Variants in ATM observed in about 807,000 individuals in gnomAD.
ATM encodes serine-protein kinase ATM.
ATM carries 308 observed loss-of-function variants against 387.0 expected under a neutral mutation model. That is an observed-to-expected ratio of 0.80 (90% confidence interval 0.73 to 0.87). ATM has a LOEUF of 0.87. ATM is among the 40% of genes least tolerant of loss of function. The pLI is 0.00. For synonymous variants in ATM, 1,156 were observed against 1,187.3 expected (o/e 0.97, Z 0.54); for missense variants, 3,312 against 3,560.9 (o/e 0.93, Z 1.78).
At chr11:108,223,656 A>G (rs1320902197) in intron 1 of ATM, 2 of 152,178 alleles carry the variant, frequency 1.3e-5, no homozygotes, top group Non-Finnish European at 2.9e-5. Context: ...TGTGGTGAGC[A>G]CTCGTGAGCG....
chr11:108,310,292 A>G lies in ATM; in HGVS notation c.5895A>G (p.Lys1965=), dbSNP rs1565490147. 1.9e-6 allele frequency: 3 copies of G among 1,613,508 alleles called. No homozygotes were observed. In the South Asian group the frequency reaches 3.3e-5, roughly 18 times the overall value. The part of the protein sequence containing the change: ...LLYAEIYADK[K]SMDDQEKRSL... Reference sequence around the variant, plus strand: ...ATGCAGAAATCTATGCAGATAAGAAAAGTATGGATGATCAAGAGAAAAGGT... The same window carrying G: ...ATGCAGAAATCTATGCAGATAAGAAGAGTATGGATGATCAAGAGAAAAGGT... Residue 1965 remains lysine (K), a synonymous_variant, in exon 39 of 63, where the codon AAA becomes AAG. Coordinates refer to ENST00000675843, the MANE Select transcript of ATM (RefSeq NM_000051.4).
intron 61 of ATM, among the ~76,000 whole-genome samples, chr11:108,357,561 G>A (rs916059381): frequency 1.6e-4 from 24 of 152,214 alleles, no homozygotes; most frequent in Middle Eastern, 6.3e-3. Context: ...CAGCTTTGAA[G>A]AGAGTAGTGG....
intron 21 of ATM, 32 bp from the exon 22 acceptor site, chr11:108,272,689 AT>A (rs1405137271): frequency 6.2e-7 from 1 of 1,613,516 alleles, no homozygotes; most frequent in East Asian, 2.2e-5. Flanking sequence ...ATTTTTCTCT[AT>A]TTCATATTTA....
At chr11:108,229,574 C>T (rs371792051) in intron 4 of ATM, 48 of 401,950 alleles carry the variant, frequency 1.2e-4, no homozygotes, top group East Asian at 5.5e-4. Flanking sequence ...GTGATCAATT[C>T]GTTGTAAACA....
rs1591527438 is a variant in ATM at position 108,251,886 on chromosome 11, G to A, written c.1657G>A (p.Gly553Arg). The change falls in exon 11 of 63, where the codon GGA becomes AGA. Residue 553 changes from glycine (G) to arginine (R), a missense_variant. Physicochemically the swap from Gly to Arg is moderately radical, Grantham distance 125 (BLOSUM62 -2). This residue lies in a region of ATM where 1,791 missense variants were observed against 1,804.5 expected (regional missense o/e 0.99). Transcript: ENST00000675843. ...TLALTTSIVP[G>R]TVKMGIEQNM... ...GGCACTGACCACCAGTATAGTTCCA[G>A]GAACGGTAAAAATGGGAATAGAGCA... The A allele has an allele frequency of 1.2e-6, 2 of 1,613,868 alleles. No homozygotes were observed. Among genetic ancestry groups the A allele is most frequent in the Non-Finnish European group, 1.7e-6 (2 of 1,179,850 alleles).
chr11:108,339,594 A>G (rs1374977627), intron 56 of ATM, among the ~76,000 whole-genome samples: 1 of 152,122 alleles, frequency 6.6e-6, no homozygotes, highest in Non-Finnish European at 1.5e-5. Flanking sequence ...TACCAGAGAA[A>G]ACACTGTCAT....
intron 39 of ATM, among the ~76,000 whole-genome samples, chr11:108,310,783 AATT>A (rs2084089000): frequency 6.6e-6 from 1 of 152,104 alleles, no homozygotes. Flanking sequence ...TTCTGTGACT[AATT>A]AAGTTTCATT....
chr11:108,353,705 A>T lies in ATM; in HGVS notation c.8672-61A>T, dbSNP rs1241393755. 15 of 1,342,942 alleles carry T rather than the reference A, an allele frequency of 1.1e-5. No homozygotes were observed. In the South Asian group the frequency reaches 1.8e-4, roughly 16 times the overall value. 83.2% of individuals were successfully genotyped at this position (1,342,942 alleles called of 1,614,324 possible). A position where few individuals can be genotyped will look rare whatever the true frequency, so the allele number is the denominator to read the frequency against. On this transcript the variant is annotated intron_variant, in intron 59 of 62. Coordinates refer to ENST00000675843, the MANE Select transcript of ATM (RefSeq NM_000051.4). ...CTTGCCTTTGTAAAGTTCACATTCT[A>T]ACTGGAAAGAAAGTAAATTAGCTGT...
chr11:108,241,412 A>G lies in ATM; in HGVS notation c.497-2541A>G, dbSNP rs192139530. ...TTATCATTATCAAGGTTTATGTACT[A>G]TACATGATTGTATGTATTATACTTT... is the stretch of plus-strand genomic sequence containing the variant. On this transcript the variant is annotated intron_variant, in intron 5 of 62. Transcript: ENST00000675843. 1.8e-3 allele frequency among the ~76,000 whole-genome samples: 270 copies of G among 152,360 alleles called. 1 individual carries two copies. The highest frequency in any genetic ancestry group is 2.8e-3 in the Non-Finnish European group (189 of 68,030).
chr11:108,364,938 A>G (rs938913192), intron 61 of ATM, 144 bp from the exon 62 acceptor site: 3 of 872,660 alleles, frequency 3.4e-6, no homozygotes, highest in African/African-American at 3.4e-5. Flanking sequence ...TCCTCAAGGA[A>G]ACATGAAGTG....
At chr11:108,226,316 G>C (rs1452244392) in intron 1 of ATM, 2 of 152,082 alleles carry the variant, frequency 1.3e-5, no homozygotes, top group Non-Finnish European at 2.9e-5. Context: ...CCCTCAAACA[G>C]TCCCCAGTCT....
At chr11:108,301,558 T>C (rs889639517) in intron 34 of ATM, 90 bp from the exon 35 acceptor site, 5 of 1,523,448 alleles carry the variant, frequency 3.3e-6, no homozygotes, top group Non-Finnish European at 3.6e-6. Flanking sequence ...AAATTTTAAA[T>C]TTTAGTTTTG....
chr11:108,356,155 T>A (rs1361702690), intron 61 of ATM: 1 of 152,226 alleles, frequency 6.6e-6, no homozygotes, highest in Non-Finnish European at 1.5e-5. Flanking sequence ...ATGTGTAACA[T>A]TTTAAAAAAA....
Position 108,365,456 on chromosome 11 carries a change from T to C in ATM, c.9119T>C (p.Ile3040Thr), listed in dbSNP as rs369870357. 9.3e-6 allele frequency: 15 copies of C among 1,614,060 alleles called. No individual in the cohort carries two copies. The highest frequency in any genetic ancestry group is 2.7e-5 in the African/African-American group (2 of 74,918). ...GQVNLLIQQA[I>T]DPKNLSRLFP... ...GTGAATTTGCTCATACAGCAGGCCA[T>C]AGACCCCAAAAATCTCAGCCGACTT... is the stretch of plus-strand genomic sequence containing the variant. Residue 3040 changes from isoleucine (I) to threonine (T), a missense_variant, in exon 63 of 63, where the codon ATA (isoleucine) becomes ACA (threonine). Transcript: ENST00000675843.
chr11:108,279,505 C>T lies in ATM; in HGVS notation c.3299C>T (p.Thr1100Met), dbSNP rs189445371. 17 of 1,610,314 alleles carry T rather than the reference C, an allele frequency of 1.1e-5. No homozygotes were observed. The highest frequency in any genetic ancestry group is 4.5e-5 in the East Asian group (2 of 44,750). The part of the protein sequence containing the change: ...AESINRLFQD[T>M]KGDSSRLLKA... ...CTTGTTTTAAGATTGTTCCAGGACA[C>T]GAAGGGAGATTCTTCCAGGTTACTG... Residue 1100 changes from threonine (T) to methionine (M), a missense_variant, in exon 23 of 63, where the codon ACG (threonine) becomes ATG (methionine). Thr to Met is a moderately conservative substitution (Grantham distance 81, BLOSUM62 -1). Transcript: ENST00000675843.
intron 59 of ATM, among the ~76,000 whole-genome samples, chr11:108,350,697 T>G (rs1283609888): frequency 6.6e-6 from 1 of 152,174 alleles, no homozygotes; most frequent in Non-Finnish European, 1.5e-5. Context: ...AGGGATTTGT[T>G]AGAGCTAGAA....
In ATM at chr11:108,366,157, T is replaced by TTAAG; in HGVS notation, c.*651_*654dup. ...CACAGTTAGTGTAGTTACTATTTTT[T>TTAAG]TAAGTGTGTATTAAAACTTCTCATT... On this transcript the variant is annotated 3_prime_UTR_variant, in exon 63 of 63. Coordinates refer to ENST00000675843, the MANE Select transcript of ATM (RefSeq NM_000051.4). 1 of 196,936 alleles carries TTAAG rather than the reference T, an allele frequency of 5.1e-6. No homozygotes were observed. The highest frequency in any genetic ancestry group is 8.1e-5 in the East Asian group (1 of 12,402). The allele number at this position is 196,936 out of a possible 1,614,324, so 12.2% of individuals were successfully genotyped here.
intron 40 of ATM, among the ~76,000 whole-genome samples, chr11:108,314,742 T>C (rs970040295): frequency 1.3e-5 from 2 of 152,170 alleles, no homozygotes; most frequent in African/African-American, 4.8e-5. Flanking sequence ...ACCGATGATA[T>C]AAACAACACA....
Position 108,299,699 on chromosome 11 carries a change from A to C in ATM, c.5006-15A>C. The C allele has an allele frequency of 6.2e-7, 1 of 1,612,778 alleles. No homozygotes were observed. Among genetic ancestry groups the C allele is most frequent in the Non-Finnish European group, 8.5e-7 (1 of 1,179,242 alleles). On this transcript the variant is annotated splice_polypyrimidine_tract_variant and intron_variant, in intron 33 of 62. Coordinates refer to ENST00000675843, the MANE Select transcript of ATM (RefSeq NM_000051.4). Reference sequence around the variant, plus strand: ...CTTACCTATGACTCTACTGAAATAGAATTTCTATATGTAGAGGCTGTTGGA... The same window carrying C: ...CTTACCTATGACTCTACTGAAATAGCATTTCTATATGTAGAGGCTGTTGGA...
Sources: allele counts gnomAD v4.1 joint callset (sites outside exome capture counted in the v4.1 genomes callset), GRCh38; gene constraint gnomAD v4.1.1; regional missense constraint gnomAD v4.1.1; transcripts MANE v1.5; gene names NCBI Gene and HGNC (gene_info 2026-07-23, HGNC 2026-07-21).